MLLT10: variants seen among roughly 807,000 people sequenced by gnomAD.
MLLT10 encodes the protein protein AF-10.
Under a neutral mutation model 129.1 loss-of-function variants are expected in MLLT10, and 30 were observed. The observed-to-expected ratio is 0.23, with a 90% CI of 0.17 to 0.32. MLLT10 has a LOEUF of 0.32. Ranked by LOEUF, MLLT10 falls within the 10% of genes least tolerant of loss-of-function variation. MLLT10 has a pLI of 1.00. For missense variants in MLLT10, 1,119 were observed against 1,268.3 expected, an observed-to-expected ratio of 0.88 and a Z score of 1.79; for synonymous variants, 490 against 446.4, an observed-to-expected ratio of 1.10 and a Z score of -1.23.
At chr10:21,611,300 C>A (rs549509705) in intron 5 of MLLT10, among the ~76,000 whole-genome samples, 1 of 151,696 alleles carries the variant, frequency 6.6e-6, no homozygotes, top group Non-Finnish European at 1.5e-5. Flanking sequence ...TGAGCCACCA[C>A]GCCCAGAGAA....
intron 3 of MLLT10, among the ~76,000 whole-genome samples, chr10:21,581,001 T>C (rs1019049838): frequency 1.3e-5 from 2 of 151,554 alleles, no homozygotes; most frequent in African/African-American, 4.8e-5. Context: ...CGTGAGACAC[T>C]GTGTCCAGCC....
intron 8 of MLLT10, among the ~76,000 whole-genome samples, chr10:21,643,863 G>T (rs1267779584): frequency 6.6e-6 from 1 of 151,860 alleles, no homozygotes; most frequent in Admixed American, 6.6e-5. Context: ...TCTGCTTCAG[G>T]GATACACGTT....
chr10:21,722,360 C>T (rs1446174643), intron 14 of MLLT10, among the ~76,000 whole-genome samples: 1 of 152,110 alleles, frequency 6.6e-6, no homozygotes, highest in Non-Finnish European at 1.5e-5. Flanking sequence ...GTCTTTGTAC[C>T]AGATCTTCTG....
intron 3 of MLLT10, among the ~76,000 whole-genome samples, chr10:21,542,233 G>A (rs973419706): frequency 6.6e-6 from 1 of 152,100 alleles, no homozygotes; most frequent in Admixed American, 6.6e-5. Context: ...TCTCTCTGAG[G>A]ACATGGTCAA....
intron 13 of MLLT10, among the ~76,000 whole-genome samples, chr10:21,705,724 C>T (rs773622736): frequency 2.0e-5 from 3 of 152,184 alleles, no homozygotes; most frequent in African/African-American, 4.8e-5. Context: ...TTAGTCCTAG[C>T]GCTGCTGGGC....
chr10:21,556,221 C>T (rs2037940551), intron 3 of MLLT10, among the ~76,000 whole-genome samples: 1 of 152,058 alleles, frequency 6.6e-6, no homozygotes, highest in Admixed American at 6.6e-5. Flanking sequence ...CCTCGGCCTC[C>T]CAAAGTGCTG....
intron 10 of MLLT10, among the ~76,000 whole-genome samples, chr10:21,671,684 C>A (rs1176422270): frequency 1.3e-5 from 2 of 152,162 alleles, no homozygotes; most frequent in Non-Finnish European, 2.9e-5. Flanking sequence ...ACTTCAGAGG[C>A]CGAGGTGGGA....
At chr10:21,593,023 G>T (rs976383070) in intron 4 of MLLT10, among the ~76,000 whole-genome samples, 1 of 151,110 alleles carries the variant, frequency 6.6e-6, no homozygotes, top group African/African-American at 2.4e-5. Context: ...TAACATTCTG[G>T]ATTTCTTCTG....
chr10:21,638,336 A>G (rs2047656463), intron 8 of MLLT10, among the ~76,000 whole-genome samples: 2 of 151,820 alleles, frequency 1.3e-5, no homozygotes, highest in Non-Finnish European at 2.9e-5. Context: ...TAATTTGCTG[A>G]CTTCTGATAT....
intron 4 of MLLT10, among the ~76,000 whole-genome samples, chr10:21,591,614 T>C (rs2042511158): frequency 6.6e-6 from 1 of 152,214 alleles, no homozygotes; most frequent in African/African-American, 2.4e-5. Flanking sequence ...TTTTTGGCCA[T>C]ATCTCTTCCT....
At chr10:21,555,934 T>A (rs1021678640) in intron 3 of MLLT10, among the ~76,000 whole-genome samples, 2 of 151,840 alleles carry the variant, frequency 1.3e-5, no homozygotes, top group South Asian at 4.2e-4. Flanking sequence ...CCAAAAGTGC[T>A]GGGATTACAG....
intron 8 of MLLT10, chr10:21,625,494 A>G: frequency 1.0e-6 from 1 of 990,674 alleles, no homozygotes; most frequent in Non-Finnish European, 1.6e-6. Flanking sequence ...ATTCAACTGT[A>G]ACTACATTTC....
chr10:21,699,006 C>T (rs2054632124), intron 13 of MLLT10, among the ~76,000 whole-genome samples: 1 of 152,196 alleles, frequency 6.6e-6, no homozygotes, highest in South Asian at 2.1e-4. Flanking sequence ...CCCGTAGTAG[C>T]TGGGATTACA....
chr10:21,591,149 C>G (rs2042451233), intron 4 of MLLT10, among the ~76,000 whole-genome samples: 1 of 152,140 alleles, frequency 6.6e-6, no homozygotes, highest in Non-Finnish European at 1.5e-5. Context: ...CCTCCACCTC[C>G]TGGGTTCAAG....
chr10:21,735,814 G>A (rs1287513236), intron 21 of MLLT10, among the ~76,000 whole-genome samples: 1 of 152,172 alleles, frequency 6.6e-6, no homozygotes, highest in Non-Finnish European at 1.5e-5. Context: ...GAGGGTGGGA[G>A]AGGTCAGAGC....
intron 8 of MLLT10, among the ~76,000 whole-genome samples, chr10:21,646,427 G>T (rs1422533872): frequency 6.6e-6 from 1 of 150,378 alleles, no homozygotes; most frequent in Non-Finnish European, 1.5e-5. Flanking sequence ...TTTTCCCCTT[G>T]CTCTTGATTT....
intron 13 of MLLT10, among the ~76,000 whole-genome samples, chr10:21,712,383 T>C (rs559032862): frequency 1.4e-4 from 21 of 152,280 alleles, no homozygotes; most frequent in Admixed American, 1.2e-3. Flanking sequence ...CTGGCTAATT[T>C]TTATTTTTTG....
chr10:21,642,916 T>C (rs2048156613), intron 8 of MLLT10, among the ~76,000 whole-genome samples: 1 of 152,220 alleles, frequency 6.6e-6, no homozygotes, highest in African/African-American at 2.4e-5. Context: ...GGCAGACTTA[T>C]GTTTTGTTTT....
chr10:21,542,402 C>A (rs2035331000), intron 3 of MLLT10, among the ~76,000 whole-genome samples: 1 of 152,130 alleles, frequency 6.6e-6, no homozygotes, highest in African/African-American at 2.4e-5. Flanking sequence ...AACCCCGTTT[C>A]TTCTAAAAAT....
Sources: gnomAD v4.1 joint callset for allele counts (sites outside exome capture counted in the v4.1 genomes callset) on GRCh38, gnomAD v4.1.1 for gene constraint, MANE v1.5 for transcripts, NCBI Gene and HGNC (gene_info 2026-07-23, HGNC 2026-07-21) for gene names.